ENTREP2: variants seen among roughly 807,000 people sequenced by gnomAD.
ENTREP2 encodes the protein protein ENTREP2.
the ENTREP2 span, among the ~76,000 whole-genome samples, chr15:29,529,363 T>C: frequency 4.6e-5 from 7 of 151,576 alleles, no homozygotes; most frequent in Admixed American, 1.3e-4. Context: ...TTGAGGATGA[T>C]TGGTGCCATT....
the ENTREP2 span, among the ~76,000 whole-genome samples, chr15:29,347,048 C>A: frequency 6.6e-6 from 1 of 152,206 alleles, no homozygotes; most frequent in Non-Finnish European, 1.5e-5. Context: ...CATGTCAGAA[C>A]CGCCTCATAC....
At chr15:29,506,637 A>G in the ENTREP2 span, among the ~76,000 whole-genome samples, 10 of 152,322 alleles carry the variant, frequency 6.6e-5, no homozygotes, top group South Asian at 1.9e-3. Context: ...TTCAACCCAG[A>G]ATTTCATATC....
chr15:29,209,112 T>A, the ENTREP2 span, among the ~76,000 whole-genome samples: 1 of 152,130 alleles, frequency 6.6e-6, no homozygotes, highest in Non-Finnish European at 1.5e-5. Flanking sequence ...TCCATGGGTT[T>A]GTTCACCTGT....
At chr15:29,230,902 G>T in the ENTREP2 span, among the ~76,000 whole-genome samples, 10 of 152,264 alleles carry the variant, frequency 6.6e-5, no homozygotes, top group Non-Finnish European at 1.2e-4. Context: ...GAATCACATG[G>T]TTATATTTAC....
the ENTREP2 span, among the ~76,000 whole-genome samples, chr15:29,467,870 C>T: frequency 6.6e-6 from 1 of 152,154 alleles, no homozygotes; most frequent in African/African-American, 2.4e-5. Flanking sequence ...TACCCACAAC[C>T]CACTGCCCTT....
the ENTREP2 span, among the ~76,000 whole-genome samples, chr15:29,153,813 C>A: frequency 6.6e-6 from 1 of 152,072 alleles, no homozygotes; most frequent in Non-Finnish European, 1.5e-5. Flanking sequence ...GTCTATGCTC[C>A]ATTTTTGTTC....
chr15:29,599,587 C>T, the ENTREP2 span, among the ~76,000 whole-genome samples: 1 of 152,200 alleles, frequency 6.6e-6, no homozygotes, highest in Non-Finnish European at 1.5e-5. Flanking sequence ...AAGCCTATTT[C>T]CTCATGTGGA....
chr15:29,583,944 T>TA, the ENTREP2 span, among the ~76,000 whole-genome samples: 1 of 152,072 alleles, frequency 6.6e-6, no homozygotes, highest in African/African-American at 2.4e-5. Flanking sequence ...TTGAAGAAAA[T>TA]ATAGGTGTAC....
At chr15:29,203,290 T>C in the ENTREP2 span, among the ~76,000 whole-genome samples, 1 of 152,166 alleles carries the variant, frequency 6.6e-6, no homozygotes, top group Non-Finnish European at 1.5e-5. Context: ...CAGTTCCAGC[T>C]ACTGGGGAGG....
chr15:29,394,544 A>G, the ENTREP2 span, among the ~76,000 whole-genome samples: 2 of 152,198 alleles, frequency 1.3e-5, no homozygotes, highest in African/African-American at 4.8e-5. Context: ...GGGTTTTAAA[A>G]AATTATTTGT....
chr15:29,561,330 TATAC>T, the ENTREP2 span, among the ~76,000 whole-genome samples: 3 of 152,190 alleles, frequency 2.0e-5, no homozygotes, highest in East Asian at 1.9e-4. Context: ...TCCATACATA[TATAC>T]ATACATACAT....
At chr15:29,161,996 C>T in the ENTREP2 span, among the ~76,000 whole-genome samples, 465 of 152,262 alleles carry the variant, frequency 3.1e-3, 2 homozygotes, top group African/African-American at 0.011. Context: ...AGTGCCCAAA[C>T]TGCGGAAGTG....
chr15:29,200,941 G>T, the ENTREP2 span, among the ~76,000 whole-genome samples: 1 of 152,118 alleles, frequency 6.6e-6, no homozygotes, highest in East Asian at 1.9e-4. Context: ...TTTCCTCATT[G>T]TTAACGCAGT....
At chr15:29,663,953 A>T in the ENTREP2 span, among the ~76,000 whole-genome samples, 110 of 151,868 alleles carry the variant, frequency 7.2e-4, 1 homozygote, top group South Asian at 0.022. Flanking sequence ...ACTTGAACCC[A>T]GGAGGCAGAG....
chr15:29,615,703 C>T, the ENTREP2 span, among the ~76,000 whole-genome samples: 1 of 152,032 alleles, frequency 6.6e-6, no homozygotes, highest in African/African-American at 2.4e-5. Flanking sequence ...CCTTTTTTCC[C>T]CTGCTCTTGG....
chr15:29,377,240 TA>T, the ENTREP2 span, among the ~76,000 whole-genome samples: 1 of 152,162 alleles, frequency 6.6e-6, no homozygotes, highest in African/African-American at 2.4e-5. Flanking sequence ...CTTTGCTTTC[TA>T]GGTCTTCCTT....
chr15:29,227,865 A>G, the ENTREP2 span, among the ~76,000 whole-genome samples: 1 of 152,180 alleles, frequency 6.6e-6, no homozygotes, highest in Non-Finnish European at 1.5e-5. Flanking sequence ...TGAAGAACAC[A>G]TTTCTGCAGT....
the ENTREP2 span, among the ~76,000 whole-genome samples, chr15:29,223,446 C>T: frequency 3.3e-5 from 5 of 152,116 alleles, no homozygotes; most frequent in Non-Finnish European, 7.4e-5. Context: ...CTTCTGCTGT[C>T]ATATCTGCAC....
the ENTREP2 span, among the ~76,000 whole-genome samples, chr15:29,180,440 G>T: frequency 1.3e-5 from 2 of 152,090 alleles, no homozygotes; most frequent in Non-Finnish European, 2.9e-5. Flanking sequence ...CGAGGCAGGC[G>T]GATCACCTGA....
Sources: gnomAD v4.1 joint callset for allele counts (sites outside exome capture counted in the v4.1 genomes callset) on GRCh38, gnomAD v4.1.1 for gene constraint, MANE v1.5 for transcripts, NCBI Gene and HGNC (gene_info 2026-07-23, HGNC 2026-07-21) for gene names.